Variants in HDHD5 observed in about 807,000 individuals in gnomAD.
The protein encoded by HDHD5 is haloacid dehalogenase-like hydrolase domain-containing 5.
Under a neutral mutation model 35.5 loss-of-function variants are expected in HDHD5, and 34 were observed. That is an observed-to-expected ratio of 0.96 (90% CI 0.73 to 1.28). The LOEUF is 1.28. Ranked by LOEUF, HDHD5 falls within the 50% of genes most tolerant of loss-of-function variation. HDHD5 has a pLI of 0.00. For missense variants in HDHD5, 589 were observed against 560.2 expected (o/e 1.05, Z -0.52); for synonymous variants, 248 against 240.6 (o/e 1.03, Z -0.29).
rs2061557417 is a variant in HDHD5 at position 17,138,306 on chromosome 22, C to A, written c.987G>T (p.Leu329=). 3.1e-6 allele frequency: 5 copies of A among 1,614,128 alleles called. No homozygotes were observed. Among genetic ancestry groups the A allele is most frequent in the Non-Finnish European group, 4.2e-6 (5 of 1,180,042 alleles). ...VYGANLFHQY[L]QKATHDGAPE... ...GCGCCCCATCATGCGTTGCCTTCTG[C>A]AGGTACTGGTGGAACAGGTTGGCGC... The change falls in exon 8 of 8, where the codon CTG becomes CTT. Residue 329 remains leucine, a synonymous_variant. Coordinates refer to ENST00000336737, the MANE Select transcript of HDHD5 (RefSeq NM_033070.3).
intron 1 of HDHD5, among the ~76,000 whole-genome samples, chr22:17,157,983 T>C (rs1323463380): frequency 1.3e-5 from 2 of 152,196 alleles, no homozygotes; most frequent in Non-Finnish European, 2.9e-5. Flanking sequence ...GTGAAGTACT[T>C]AGAATAGTGC....
rs772570016 is a variant in HDHD5 at position 17,145,024 on chromosome 22, C to A, written c.537G>T (p.Thr179=). The change falls in exon 4 of 8, where the codon ACG becomes ACT. Residue 179 remains threonine, a splice_region_variant and synonymous_variant. Transcript: ENST00000336737. The part of the protein sequence containing the change: ...MVDLERRLKT[T]PLPRNDFPRI... The stretch of plus-strand genomic sequence containing the variant: ...CAGCCCAACCCATGCTCCTTATTAC[C>A]GTGGTCTTTAGCCGCCGCTCCAGGT... The A allele has an allele frequency of 6.2e-7, 1 of 1,613,620 alleles. No homozygotes were observed. Among genetic ancestry groups the A allele is most frequent in the African/African-American group, 1.3e-5 (1 of 74,790 alleles).
At chr22:17,155,438 G>A (rs1191085719) in intron 1 of HDHD5, among the ~76,000 whole-genome samples, 1 of 151,846 alleles carries the variant, frequency 6.6e-6, no homozygotes, top group African/African-American at 2.4e-5. Context: ...GTAGAGACGG[G>A]GTTTCACCAT....
At chr22:17,158,847 A>C in intron 1 of HDHD5, 1 of 244,480 alleles carries the variant, frequency 4.1e-6, no homozygotes, top group Admixed American at 5.6e-5. Flanking sequence ...GGGACGCGGA[A>C]ACTGCCGGGA....
chr22:17,149,499 G>C (rs1034858), intron 2 of HDHD5, 43 bp downstream of exon 2: 712,565 of 1,587,330 alleles, frequency 0.45, 165,963 homozygotes, highest in East Asian at 0.59. Flanking sequence ...GCTCCATTAG[G>C]AACCAGGTCC....
intron 3 of HDHD5, among the ~76,000 whole-genome samples, chr22:17,145,976 A>G (rs941034836): frequency 1.5e-4 from 23 of 152,074 alleles, no homozygotes; most frequent in Non-Finnish European, 1.3e-4. Flanking sequence ...CCAACTTGCA[A>G]TCTTAACTGG....
chr22:17,145,114 CA>C lies in HDHD5; in HGVS notation c.446del (p.Leu149ArgfsTer28). 1 of 1,613,984 alleles carries C rather than the reference CA, an allele frequency of 6.2e-7. No homozygotes were observed. The highest frequency in any genetic ancestry group is 8.5e-7 in the Non-Finnish European group (1 of 1,179,992). On this transcript the variant is annotated frameshift_variant and splice_region_variant, in exon 4 of 8. Coordinates refer to ENST00000336737, the MANE Select transcript of HDHD5 (RefSeq NM_033070.3). LOFTEE classifies it high-confidence loss of function. ...QGPVMENAQG[L>X]GFRNVVTVDE... ...CCACGGTGACGACATTTCGGAAGCC[CA>C]GTCTGGAGCAAGCTCAGGAAGTAAT...
At chr22:17,158,231 G>A (rs1056061012) in intron 1 of HDHD5, among the ~76,000 whole-genome samples, 2 of 152,064 alleles carry the variant, frequency 1.3e-5, no homozygotes, top group African/African-American at 4.8e-5. Flanking sequence ...TGAGACAGAA[G>A]AATCGCTTGA....
intron 6 of HDHD5, among the ~76,000 whole-genome samples, chr22:17,140,591 A>G (rs1418693026): frequency 2.0e-5 from 3 of 152,138 alleles, no homozygotes; most frequent in Non-Finnish European, 1.5e-5. Context: ...TCCCCGCAAA[A>G]AAAACAAAAC....
rs1467982576 is a variant in HDHD5 at position 17,159,179 on chromosome 22, C to G, written c.73G>C (p.Ala25Pro). Residue 25 changes from alanine (A) to proline (P), a missense_variant, in exon 1 of 8, where the codon GCG becomes CCG. Ala to Pro is a conservative substitution (Grantham distance 27). Coordinates refer to ENST00000336737, the MANE Select transcript of HDHD5 (RefSeq NM_033070.3). ...CGGGCGGGGCGGCCCTGGAGCCCCG[C>G]AGCCGCGCGCGCCGCCCGCCAGCAA... ...GLCWRAARAA[A>P]GLQGRPARRC... 1 of 1,214,940 alleles carries G rather than the reference C, an allele frequency of 8.2e-7. No individual in the cohort carries two copies. The highest frequency in any genetic ancestry group is 1.0e-6 in the Non-Finnish European group (1 of 975,986). The allele number at this position is 1,214,940 out of a possible 1,614,324, so 75.3% of individuals were successfully genotyped here. A position where few individuals can be genotyped will look rare whatever the true frequency, so the allele number is the denominator to read the frequency against.
chr22:17,152,341 A>C lies in HDHD5; in HGVS notation c.127-2596T>G, dbSNP rs138401397. Among the ~76,000 whole-genome samples, 152 of 152,254 alleles carry C rather than the reference A, an allele frequency of 1.0e-3. 1 individual carries two copies. The highest frequency in any genetic ancestry group is 1.9e-3 in the Non-Finnish European group (126 of 68,022). On this transcript the variant is annotated intron_variant, in intron 1 of 7. Transcript: ENST00000336737. The stretch of plus-strand genomic sequence containing the variant: ...CCAAGACAGAGAAGATGGAGCATTT[A>C]CCTGGGAGAGTGGTGGTAAGAATGG...
rs1482620343 is a variant in HDHD5, at chr22:17,143,221, G to C, written c.538-90C>G. The stretch of plus-strand genomic sequence containing the variant: ...CCACCTCCAGGGTGCTGGGAGGGGA[G>C]GGGAGACACACTCCACAGACCCCAC... On this transcript the variant is annotated intron_variant, in intron 4 of 7. Transcript: ENST00000336737. 7 of 1,415,466 alleles carry C rather than the reference G, an allele frequency of 4.9e-6. No homozygotes were observed. In the East Asian group the frequency reaches 9.6e-5, roughly 19 times the overall value. The allele number at this position is 1,415,466 out of a possible 1,614,324, so 87.7% of individuals were successfully genotyped here. A position where few individuals can be genotyped will look rare whatever the true frequency, so the allele number is the denominator to read the frequency against.
In HDHD5 at chr22:17,149,619, C is replaced by T; in HGVS notation, c.253G>A (p.Val85Met). ...TTCCCAGCATTTGTAACAAAAACCA[C>T]GGGCACCCGCAGCTGCCCCTGGGAG... ...VNSQGQLRVP[V>M]VFVTNAGNIL... Residue 85 changes from valine (V) to methionine (M), a missense_variant, in exon 2 of 8, where the codon GTG (valine) becomes ATG (methionine). Coordinates refer to ENST00000336737, the MANE Select transcript of HDHD5 (RefSeq NM_033070.3). 10 of 1,613,464 alleles carry T rather than the reference C, an allele frequency of 6.2e-6. No homozygotes were observed. Among genetic ancestry groups the T allele is most frequent in the South Asian group, 2.2e-5 (2 of 91,048 alleles).
intron 6 of HDHD5, among the ~76,000 whole-genome samples, chr22:17,139,830 G>A (rs527667928): frequency 2.0e-5 from 3 of 152,178 alleles, no homozygotes; most frequent in Non-Finnish European, 4.4e-5. Flanking sequence ...TCGGCCTCCC[G>A]AAGTGTTGGG....
upstream of HDHD5, chr22:17,159,819 G>A (rs1441382251): frequency 3.6e-6 from 1 of 279,562 alleles, no homozygotes; most frequent in Non-Finnish European, 6.9e-6. Flanking sequence ...GAGAGGTAGA[G>A]GCACGAATGT....
chr22:17,146,466 C>T (rs1323448949), intron 3 of HDHD5, among the ~76,000 whole-genome samples: 2 of 146,226 alleles, frequency 1.4e-5, no homozygotes, highest in African/African-American at 5.1e-5. Context: ...CACACGCCAT[C>T]GCACACGCTC....
intron 1 of HDHD5, among the ~76,000 whole-genome samples, chr22:17,157,975 G>T (rs2061818448): frequency 6.6e-6 from 1 of 152,174 alleles, no homozygotes; most frequent in African/African-American, 2.4e-5. Context: ...GAATAACTGT[G>T]AAGTACTTAG....
At chr22:17,158,358 T>C (rs752591209) in intron 1 of HDHD5, 2 of 152,052 alleles carry the variant, frequency 1.3e-5, no homozygotes, top group Admixed American at 6.5e-5. Context: ...CGTATGTTAA[T>C]GTAAAATATT....
chr22:17,159,294 C>A (rs748203338), upstream of HDHD5: 27 of 1,237,548 alleles, frequency 2.2e-5, 1 homozygote, highest in African/African-American at 6.9e-5. Context: ...CGGCCCCCCC[C>A]CCCCGCGAGT....
Sources: gnomAD v4.1 joint callset for allele counts (sites outside exome capture counted in the v4.1 genomes callset) on GRCh38, gnomAD v4.1.1 for gene constraint, MANE v1.5 for transcripts, NCBI Gene and HGNC (gene_info 2026-07-23, HGNC 2026-07-21) for gene names.